The following GRID1 variants were observed in gnomAD, a reference collection of about 807,000 sequenced individuals.
The protein encoded by GRID1 is glutamate ionotropic receptor delta type subunit 1, also known as glutamate receptor ionotropic, delta-1.
Under a neutral mutation model 98.0 loss-of-function variants are expected in GRID1, and 28 were observed. That is an observed-to-expected ratio of 0.29 (90% CI 0.21 to 0.39). GRID1 has a LOEUF of 0.39. Ranked by LOEUF, GRID1 falls within the 10% of genes least tolerant of loss-of-function variation. The probability of loss-of-function intolerance (pLI) is 1.00; values close to 1 mark genes in which losing one functional copy is unlikely to be tolerated. For missense variants in GRID1, 1,111 were observed against 1,340.5 expected (o/e 0.83, Z 2.67); for synonymous variants, 553 against 538.5 (o/e 1.03, Z -0.37).
chr10:85,946,223 C>T (rs1007055690), intron 4 of GRID1, among the ~76,000 whole-genome samples: 3 of 152,132 alleles, frequency 2.0e-5, no homozygotes, highest in African/African-American at 7.2e-5. Context: ...TTACAAGGTA[C>T]TATAAAGAGT....
chr10:85,850,280 T>C (rs1348778353), intron 8 of GRID1, among the ~76,000 whole-genome samples: 1 of 152,202 alleles, frequency 6.6e-6, no homozygotes, highest in African/African-American at 2.4e-5. Context: ...TGGAGAAATG[T>C]TTCCTCTGGG....
At chr10:85,777,786 C>A (rs538642144) in intron 8 of GRID1, among the ~76,000 whole-genome samples, 1 of 152,318 alleles carries the variant, frequency 6.6e-6, no homozygotes, top group East Asian at 1.9e-4. Flanking sequence ...ATTCCTTAGT[C>A]CTGGGCAAAT....
intron 8 of GRID1, among the ~76,000 whole-genome samples, chr10:85,812,802 T>C (rs1441275804): frequency 1.3e-5 from 2 of 151,834 alleles, no homozygotes; most frequent in Non-Finnish European, 2.9e-5. Flanking sequence ...TGTCTATATA[T>C]ACATATATAT....
At chr10:86,031,420 G>GA (rs1293148078) in intron 4 of GRID1, among the ~76,000 whole-genome samples, 1 of 152,132 alleles carries the variant, frequency 6.6e-6, no homozygotes, top group Non-Finnish European at 1.5e-5. Flanking sequence ...GGGGGGGCAG[G>GA]AGGAGGGTCA....
At chr10:86,093,457 T>G (rs533021681) in intron 4 of GRID1, among the ~76,000 whole-genome samples, 14 of 149,942 alleles carry the variant, frequency 9.3e-5, no homozygotes, top group African/African-American at 3.2e-4. Context: ...AATAGACCAT[T>G]AGCAAGATTA....
chr10:86,037,673 T>A (rs1471886558), intron 4 of GRID1, among the ~76,000 whole-genome samples: 1 of 152,138 alleles, frequency 6.6e-6, no homozygotes, highest in African/African-American at 2.4e-5. Context: ...AGAAACTGTT[T>A]ATCTTTGAGG....
intron 12 of GRID1, among the ~76,000 whole-genome samples, chr10:85,666,926 C>T (rs1014124899): frequency 6.6e-6 from 1 of 152,178 alleles, no homozygotes; most frequent in Non-Finnish European, 1.5e-5. Context: ...TGTCATATTC[C>T]AACAGGCCTG....
At chr10:86,352,762 G>C (rs1848480416) in intron 2 of GRID1, among the ~76,000 whole-genome samples, 1 of 152,130 alleles carries the variant, frequency 6.6e-6, no homozygotes, top group South Asian at 2.1e-4. Flanking sequence ...CCTTGGTTTT[G>C]CATGGCCCCC....
At chr10:86,245,080 G>T (rs572391502) in intron 2 of GRID1, among the ~76,000 whole-genome samples, 3 of 152,332 alleles carry the variant, frequency 2.0e-5, no homozygotes, top group Admixed American at 2.0e-4. Flanking sequence ...CTCCTGAGGC[G>T]ATGGCGGGGG....
intron 4 of GRID1, among the ~76,000 whole-genome samples, chr10:86,133,095 G>A (rs1589382650): frequency 6.6e-6 from 1 of 152,172 alleles, no homozygotes; most frequent in African/African-American, 2.4e-5. Flanking sequence ...CTGTCACTGG[G>A]TAGCTGCCAT....
chr10:86,173,360 G>A (rs1466855592), intron 3 of GRID1, among the ~76,000 whole-genome samples: 2 of 152,132 alleles, frequency 1.3e-5, no homozygotes, highest in Non-Finnish European at 2.9e-5. Flanking sequence ...TTTTCTAAAT[G>A]CAATGCCATA....
At chr10:85,834,647 G>A (rs1842897143) in intron 8 of GRID1, among the ~76,000 whole-genome samples, 2 of 151,958 alleles carry the variant, frequency 1.3e-5, no homozygotes, top group African/African-American at 2.4e-5. Context: ...AAAGGTAAAG[G>A]TACCTAAATG....
At chr10:85,921,120 T>A (rs776271981) in intron 4 of GRID1, among the ~76,000 whole-genome samples, 2 of 152,168 alleles carry the variant, frequency 1.3e-5, no homozygotes, top group African/African-American at 4.8e-5. Flanking sequence ...CCCTTTTGAA[T>A]GGAGGAGACA....
At chr10:86,222,703 G>A (rs1367400041) in intron 2 of GRID1, among the ~76,000 whole-genome samples, 1 of 152,186 alleles carries the variant, frequency 6.6e-6, no homozygotes, top group Non-Finnish European at 1.5e-5. Flanking sequence ...ACCTCTGAAG[G>A]GGAGAAGGGG....
At chr10:85,619,691 T>C (rs1339146586) in intron 14 of GRID1, among the ~76,000 whole-genome samples, 176 bp downstream of exon 14, 1 of 152,272 alleles carries the variant, frequency 6.6e-6, no homozygotes, top group Admixed American at 6.5e-5. Context: ...AGGGACCATA[T>C]ACTTCCACAG....
intron 2 of GRID1, among the ~76,000 whole-genome samples, chr10:86,333,532 C>T (rs1043506158): frequency 6.6e-6 from 1 of 152,206 alleles, no homozygotes; most frequent in Non-Finnish European, 1.5e-5. Flanking sequence ...ACAGTTGACA[C>T]TTGAACAATG....
At chr10:86,351,411 A>T (rs1848460547) in intron 2 of GRID1, among the ~76,000 whole-genome samples, 1 of 152,172 alleles carries the variant, frequency 6.6e-6, no homozygotes, top group Non-Finnish European at 1.5e-5. Context: ...GGGCTGAGGG[A>T]TCAATGGGTC....
intron 12 of GRID1, among the ~76,000 whole-genome samples, chr10:85,679,051 T>TA (rs1359617266): frequency 3.9e-5 from 6 of 152,246 alleles, no homozygotes; most frequent in Non-Finnish European, 8.8e-5. Context: ...GTACTCTTTC[T>TA]AGCTTCACAT....
chr10:86,138,701 G>C (rs1366434088), intron 4 of GRID1, 118 bp downstream of exon 4: 1 of 740,856 alleles, frequency 1.3e-6, no homozygotes, highest in Non-Finnish European at 2.3e-6. Context: ...GAGCACCTAC[G>C]GGTCTCCATG....
Sources: gnomAD v4.1 joint callset for allele counts (sites outside exome capture counted in the v4.1 genomes callset) on GRCh38, gnomAD v4.1.1 for gene constraint, MANE v1.5 for transcripts, NCBI Gene and HGNC (gene_info 2026-07-23, HGNC 2026-07-21) for gene names.